The following CRIPTO variants were observed in gnomAD, a reference collection of about 807,000 sequenced individuals.
CRIPTO encodes cripto, EGF-CFC family member.
the CRIPTO span, among the ~76,000 whole-genome samples, chr3:46,578,366 C>A: frequency 3.6e-5 from 5 of 138,250 alleles, no homozygotes; most frequent in African/African-American, 8.1e-5. Flanking sequence ...AAGATAATAG[C>A]AAAAAAAAAA....
the CRIPTO span, chr3:46,581,212 C>G: frequency 6.2e-7 from 1 of 1,614,132 alleles, no homozygotes; most frequent in Non-Finnish European, 8.5e-7. Flanking sequence ...CACTTTTATG[C>G]TAGTTGGCAT....
the CRIPTO span, among the ~76,000 whole-genome samples, chr3:46,575,764 C>T: frequency 1.3e-5 from 2 of 152,212 alleles, no homozygotes; most frequent in Non-Finnish European, 2.9e-5. Context: ...ATCCAAATCC[C>T]CCAATAGAAC....
the CRIPTO span, chr3:46,579,651 C>T: frequency 3.6e-6 from 5 of 1,377,666 alleles, no homozygotes; most frequent in Non-Finnish European, 5.2e-6. Context: ...TGATACAACA[C>T]ATTGGTGTTG....
chr3:46,578,018 T>C, the CRIPTO span: 3 of 1,613,944 alleles, frequency 1.9e-6, no homozygotes, highest in Non-Finnish European at 2.5e-6. Context: ...TGAGCTAATC[T>C]TGAATGTGAA....
chr3:46,577,875 G>C, the CRIPTO span: 3 of 1,330,480 alleles, frequency 2.3e-6, no homozygotes, highest in Non-Finnish European at 3.3e-6. Flanking sequence ...TGCCATTTTC[G>C]CTTTAGGAGA....
the CRIPTO span, chr3:46,579,931 C>T: frequency 4.3e-6 from 7 of 1,614,192 alleles, no homozygotes; most frequent in Admixed American, 1.2e-4. Flanking sequence ...AAGGCTATCG[C>T]CTTACCTGTT....
chr3:46,580,521 C>A, the CRIPTO span, among the ~76,000 whole-genome samples: 2 of 151,892 alleles, frequency 1.3e-5, no homozygotes, highest in African/African-American at 4.8e-5. Context: ...CCCTGGTAAC[C>A]CCCTCCCCAT....
the CRIPTO span, chr3:46,579,381 A>T: frequency 1.9e-5 from 30 of 1,613,910 alleles, no homozygotes; most frequent in Non-Finnish European, 2.5e-5. Context: ...GAACTGCCTG[A>T]CTTCGATGCT....
the CRIPTO span, chr3:46,581,364 A>G: frequency 1.1e-6 from 1 of 870,058 alleles, no homozygotes; most frequent in Admixed American, 1.7e-5. Context: ...TAGTTGCCTT[A>G]AAATAATGAA....
At chr3:46,581,108 T>C in the CRIPTO span, 3 of 1,577,442 alleles carry the variant, frequency 1.9e-6, no homozygotes, top group African/African-American at 4.0e-5. Flanking sequence ...TTTGCTTTAA[T>C]GACCAAGCAT....
the CRIPTO span, chr3:46,579,583 C>T: frequency 8.7e-6 from 10 of 1,146,834 alleles, no homozygotes; most frequent in East Asian, 9.6e-5. Context: ...GAACCCAGAA[C>T]CACCACTGGC....
the CRIPTO span, chr3:46,580,067 G>A: frequency 7.1e-5 from 114 of 1,614,214 alleles, 1 homozygote; most frequent in Middle Eastern, 4.5e-3. Flanking sequence ...TGTGGTAAGC[G>A]GAGGTTCTCC....
chr3:46,581,132 A>T, the CRIPTO span: 2 of 1,612,982 alleles, frequency 1.2e-6, no homozygotes, highest in African/African-American at 1.3e-5. Flanking sequence ...TACCTTCCAG[A>T]TGGCCTTGTG....
the CRIPTO span, chr3:46,581,737 T>A: frequency 8.0e-6 from 3 of 374,002 alleles, no homozygotes; most frequent in African/African-American, 6.3e-5. Flanking sequence ...GGTCTCGAAC[T>A]CCTGACCTTG....
the CRIPTO span, chr3:46,580,987 A>C: frequency 1.4e-6 from 1 of 702,696 alleles, no homozygotes; most frequent in Non-Finnish European, 2.6e-6. Context: ...CTGCAAGTGA[A>C]GGCATCACCA....
the CRIPTO span, among the ~76,000 whole-genome samples, chr3:46,580,687 A>G: frequency 1.3e-5 from 2 of 152,202 alleles, no homozygotes; most frequent in Non-Finnish European, 2.9e-5. Flanking sequence ...AGCCTGAGCC[A>G]GGTTTCTAGG....
chr3:46,579,678 C>T, the CRIPTO span: 2 of 1,547,538 alleles, frequency 1.3e-6, no homozygotes, highest in Non-Finnish European at 1.8e-6. Context: ...CCTTCGCTTA[C>T]AGGAATTGCC....
chr3:46,576,145 A>T, the CRIPTO span, among the ~76,000 whole-genome samples: 1 of 152,188 alleles, frequency 6.6e-6, no homozygotes, highest in African/African-American at 2.4e-5. Context: ...CACTCCCCCA[A>T]TACAAATTAT....
At chr3:46,577,036 C>T in the CRIPTO span, among the ~76,000 whole-genome samples, 3 of 152,180 alleles carry the variant, frequency 2.0e-5, no homozygotes, top group Non-Finnish European at 2.9e-5. Flanking sequence ...GCCTCCCATG[C>T]CGGACTGCCG....
Sources: gnomAD v4.1 joint callset for allele counts (sites outside exome capture counted in the v4.1 genomes callset) on GRCh38, gnomAD v4.1.1 for gene constraint, MANE v1.5 for transcripts, NCBI Gene and HGNC (gene_info 2026-07-23, HGNC 2026-07-21) for gene names.